NOS1AP: variants seen among roughly 807,000 people sequenced by gnomAD.
The protein encoded by NOS1AP is nitric oxide synthase 1 adaptor protein, also known as carboxyl-terminal PDZ ligand of neuronal nitric oxide synthase protein.
A neutral mutation model predicts 56.2 loss-of-function variants in NOS1AP; 21 were observed. The observed-to-expected ratio is 0.37, with a 90% confidence interval of 0.26 to 0.54. NOS1AP has a LOEUF of 0.54. NOS1AP is among the 20% of genes least tolerant of loss of function. The pLI, the probability that NOS1AP is intolerant of heterozygous loss-of-function variation, is 0.84. For synonymous variants in NOS1AP, 270 were observed against 274.6 expected, an observed-to-expected ratio of 0.98 and a Z score of 0.17; for missense variants, 522 against 657.8, an observed-to-expected ratio of 0.79 and a Z score of 2.26.
chr1:162,331,602 T>C (rs140650084), intron 4 of NOS1AP, among the ~76,000 whole-genome samples: 82 of 152,282 alleles, frequency 5.4e-4, no homozygotes, highest in African/African-American at 2.0e-3. Flanking sequence ...CTCAATCCCA[T>C]TCTCTTTCTT....
chr1:162,277,416 T>C (rs1654777358), intron 2 of NOS1AP, among the ~76,000 whole-genome samples: 1 of 151,862 alleles, frequency 6.6e-6, no homozygotes, highest in Non-Finnish European at 1.5e-5. Flanking sequence ...TCATCATACC[T>C]TTCATTATAC....
At chr1:162,099,154 C>G (rs1692318225) in intron 1 of NOS1AP, among the ~76,000 whole-genome samples, 1 of 152,028 alleles carries the variant, frequency 6.6e-6, no homozygotes, top group South Asian at 2.1e-4. Context: ...TTCCTTTTTC[C>G]CCATAACCTT....
intron 2 of NOS1AP, among the ~76,000 whole-genome samples, chr1:162,174,498 A>G (rs915553493): frequency 1.3e-5 from 2 of 152,168 alleles, no homozygotes; most frequent in African/African-American, 4.8e-5. Flanking sequence ...AACATGGCAC[A>G]TGTATACATA....
rs142792501 is a variant in NOS1AP, at chr1:162,083,879, C to T, written c.105+13597C>T. Among the ~76,000 whole-genome samples, 46 of 152,298 alleles carry T rather than the reference C, an allele frequency of 3.0e-4. No homozygotes were observed. The Middle Eastern group carries it at 0.017, about 56-fold the overall frequency. The stretch of plus-strand genomic sequence containing the variant: ...TTCCACCATGTGATTCTGATGAACA[C>T]TTCAGTTTGAGACCCACGGCATTAG... On this transcript the variant is annotated intron_variant, in intron 1 of 9. Coordinates refer to ENST00000361897, the MANE Select transcript of NOS1AP (RefSeq NM_014697.3).
intron 2 of NOS1AP, among the ~76,000 whole-genome samples, chr1:162,212,200 C>T (rs1179091592): frequency 1.3e-5 from 2 of 152,202 alleles, no homozygotes; most frequent in African/African-American, 4.8e-5. Flanking sequence ...GTGTGGCCCC[C>T]TCTGCAAGGC....
intron 1 of NOS1AP, among the ~76,000 whole-genome samples, chr1:162,153,575 A>C (rs1571069779): frequency 6.6e-6 from 1 of 152,350 alleles, no homozygotes; most frequent in Admixed American, 6.5e-5. Context: ...GAGCCATTAT[A>C]TGTAATGTAA....
At chr1:162,316,356 C>A (rs1656228621) in intron 4 of NOS1AP, among the ~76,000 whole-genome samples, 1 of 152,192 alleles carries the variant, frequency 6.6e-6, no homozygotes, top group Non-Finnish European at 1.5e-5. Context: ...GGAAGAGAGC[C>A]CAGCACCTCT....
intron 1 of NOS1AP, among the ~76,000 whole-genome samples, chr1:162,115,659 T>C (rs1558105741): frequency 6.6e-6 from 1 of 152,150 alleles, no homozygotes; most frequent in Non-Finnish European, 1.5e-5. Flanking sequence ...AACAGCCCCA[T>C]GTGATTTTTC....
At chr1:162,088,761 G>A (rs1283666929) in intron 1 of NOS1AP, among the ~76,000 whole-genome samples, 1 of 152,132 alleles carries the variant, frequency 6.6e-6, no homozygotes, top group Admixed American at 6.5e-5. Context: ...TCAGTCTGTA[G>A]GTCAAAGGCC....
chr1:162,145,420 C>A (rs1649421033), intron 1 of NOS1AP, among the ~76,000 whole-genome samples: 1 of 152,064 alleles, frequency 6.6e-6, no homozygotes, highest in Admixed American at 6.6e-5. Flanking sequence ...AGTGGGATAC[C>A]CTGACGCAAC....
At chr1:162,313,107 C>G (rs1656101679) in intron 4 of NOS1AP, among the ~76,000 whole-genome samples, 1 of 152,122 alleles carries the variant, frequency 6.6e-6, no homozygotes, top group Admixed American at 6.5e-5. Flanking sequence ...TCCTATTCAC[C>G]CTTTCTTTTC....
intron 2 of NOS1AP, among the ~76,000 whole-genome samples, chr1:162,270,180 T>A (rs1654541363): frequency 6.6e-6 from 1 of 152,224 alleles, no homozygotes; most frequent in Admixed American, 6.5e-5. Context: ...TAGTTACTTG[T>A]ATACTTTTCT....
At chr1:162,163,243 C>G (rs1650315310) in intron 2 of NOS1AP, among the ~76,000 whole-genome samples, 1 of 151,674 alleles carries the variant, frequency 6.6e-6, no homozygotes, top group South Asian at 2.1e-4. Flanking sequence ...TAAAAGGGGC[C>G]CAGACTTTAT....
chr1:162,115,632 C>A (rs1265723942), intron 1 of NOS1AP, among the ~76,000 whole-genome samples: 1 of 152,130 alleles, frequency 6.6e-6, no homozygotes. Context: ...CCCACTGAGT[C>A]CAATGTGCGT....
intron 2 of NOS1AP, among the ~76,000 whole-genome samples, chr1:162,286,113 G>C (rs1437260917): frequency 6.6e-6 from 1 of 152,206 alleles, no homozygotes; most frequent in African/African-American, 2.4e-5. Flanking sequence ...TGTAACATCA[G>C]AATATTAAAA....
chr1:162,254,400 C>T (rs572450584), intron 2 of NOS1AP, among the ~76,000 whole-genome samples: 2 of 152,258 alleles, frequency 1.3e-5, no homozygotes, highest in South Asian at 4.1e-4. Context: ...TGAGTGTTAC[C>T]ACTGTCCCAT....
At chr1:162,152,731 T>C in intron 1 of NOS1AP, among the ~76,000 whole-genome samples, 1 of 152,214 alleles carries the variant, frequency 6.6e-6, no homozygotes, top group East Asian at 1.9e-4. Context: ...AAACTGTTGA[T>C]CAATACTAGG....
intron 1 of NOS1AP, among the ~76,000 whole-genome samples, chr1:162,088,950 C>G (rs1172603938): frequency 6.6e-6 from 1 of 152,138 alleles, no homozygotes; most frequent in African/African-American, 2.4e-5. Context: ...GGGATTTTCT[C>G]TCCCTCTCGC....
At chr1:162,125,724 CT>C (rs1460804442) in intron 1 of NOS1AP, among the ~76,000 whole-genome samples, 16 of 152,038 alleles carry the variant, frequency 1.1e-4, no homozygotes, top group African/African-American at 3.9e-4. Flanking sequence ...CAGATTTGTT[CT>C]TTTTGCTTAG....
Sources: allele counts gnomAD v4.1 joint callset (sites outside exome capture counted in the v4.1 genomes callset), GRCh38; gene constraint gnomAD v4.1.1; transcripts MANE v1.5; gene names NCBI Gene and HGNC (gene_info 2026-07-23, HGNC 2026-07-21).